The following TRIM51 variants were observed in gnomAD, a reference collection of about 807,000 sequenced individuals.
The protein encoded by TRIM51 is tripartite motif-containing 51, also known as tripartite motif-containing protein 51.
TRIM51 carries 23 observed loss-of-function variants against 32.7 expected under a neutral mutation model. That is an observed-to-expected ratio of 0.70 (90% CI 0.51 to 1.00). The LOEUF is 1.00. Ranked by LOEUF, TRIM51 falls within the 50% of genes least tolerant of loss-of-function variation. The probability of loss-of-function intolerance (pLI) is 0.00; values close to 1 mark genes in which losing one functional copy is unlikely to be tolerated. For synonymous variants in TRIM51, 177 were observed against 181.9 expected (o/e 0.97, Z 0.22); for missense variants, 592 against 539.2 (o/e 1.10, Z -0.97).
chr11:55,884,127 C>T, intron 1 of TRIM51, among the ~76,000 whole-genome samples: 1 of 118,476 alleles, frequency 8.4e-6, no homozygotes, highest in Non-Finnish European at 1.7e-5. Context: ...TCCAGAGACA[C>T]AGAACCATAG....
chr11:55,885,340 A>C, intron 1 of TRIM51, 85 bp from the exon 2 acceptor site: 2 of 1,401,188 alleles, frequency 1.4e-6, no homozygotes, highest in Non-Finnish European at 2.0e-6. Flanking sequence ...GTCAAGAAGA[A>C]AATATAGCTA....
intron 1 of TRIM51, among the ~76,000 whole-genome samples, chr11:55,883,616 C>A (rs1854537656): frequency 1.3e-5 from 2 of 151,774 alleles, no homozygotes; most frequent in African/African-American, 4.8e-5. Context: ...GTGTTTGCTG[C>A]AATAGATTTG....
chr11:55,891,010 C>T (rs1031388730), intron 6 of TRIM51, 123 bp from the exon 7 acceptor site: 1 of 699,776 alleles, frequency 1.4e-6, no homozygotes, highest in Non-Finnish European at 2.3e-6. Flanking sequence ...AGTCACAATT[C>T]TCCTGTCCTT....
intron 3 of TRIM51, 134 bp from the exon 4 acceptor site, chr11:55,887,898 A>T: frequency 2.8e-6 from 2 of 709,172 alleles, no homozygotes; most frequent in Non-Finnish European, 4.9e-6. Flanking sequence ...AATAAAAGGG[A>T]TAAAATTTTG....
chr11:55,888,525 A>T (rs1490931100), intron 4 of TRIM51, among the ~76,000 whole-genome samples: 1 of 152,198 alleles, frequency 6.6e-6, no homozygotes, highest in Non-Finnish European at 1.5e-5. Flanking sequence ...TTTCCCATCA[A>T]AAGTCACTGA....
At position 55,886,151 on chromosome 11, in the gene TRIM51, T is replaced by C. The variant is rs372114428; in HGVS notation, c.440T>C (p.Leu147Ser). 1 of 1,613,434 alleles carries C rather than the reference T, an allele frequency of 6.2e-7. No individual in the cohort carries two copies. The highest frequency in any genetic ancestry group is 1.3e-5 in the African/African-American group (1 of 74,864). Reference protein sequence around the residue: ...REELLKKMQSLWEKACENLRN... With the variant: ...REELLKKMQSSWEKACENLRN... ...GAGCTCCTAAAAAAAATGCAGTCTTTATGGGAAAAAGCTTGTGAAAATCTC... is the reference window on the plus strand; with the variant it reads ...GAGCTCCTAAAAAAAATGCAGTCTTCATGGGAAAAAGCTTGTGAAAATCTC... Residue 147 changes from leucine (L) to serine (S), a missense_variant, in exon 3 of 7, where the codon TTA (leucine) becomes TCA (serine). Physicochemically the swap from Leu to Ser is moderately radical, Grantham distance 145. Coordinates refer to ENST00000449290, the MANE Select transcript of TRIM51 (RefSeq NM_032681.4).
intron 5 of TRIM51, among the ~76,000 whole-genome samples, 191 bp from the exon 6 acceptor site, chr11:55,889,751 T>G (rs1359981915): frequency 1.3e-5 from 2 of 152,232 alleles, no homozygotes; most frequent in South Asian, 4.1e-4. Flanking sequence ...CTCAGTCAGA[T>G]AGACTTTTCC....
intron 5 of TRIM51, among the ~76,000 whole-genome samples, chr11:55,889,338 C>T (rs1268558567): frequency 6.6e-6 from 1 of 152,076 alleles, no homozygotes; most frequent in Non-Finnish European, 1.5e-5. Flanking sequence ...GAAAATATTA[C>T]ATTTTCTACA....
chr11:55,886,483 G>A lies in TRIM51; in HGVS notation c.507+265G>A, dbSNP rs554266638. 3.3e-5 allele frequency among the ~76,000 whole-genome samples: 5 copies of A among 152,204 alleles called. No individual in the cohort carries two copies. The South Asian group carries it at 1.0e-3, about 32-fold the overall frequency. ...AATACCCCAGCAAATACAAGAAACT[G>A]GGACACTTCACACTCTTCCCAATGG... On this transcript the variant is annotated intron_variant, in intron 3 of 6. Coordinates refer to ENST00000449290, the MANE Select transcript of TRIM51 (RefSeq NM_032681.4).
At chr11:55,890,472 T>C (rs1035577380) in intron 6 of TRIM51, among the ~76,000 whole-genome samples, 2 of 152,136 alleles carry the variant, frequency 1.3e-5, no homozygotes, top group Non-Finnish European at 2.9e-5. Flanking sequence ...TAAATATATT[T>C]TATTGATATA....
intron 6 of TRIM51, 61 bp from the exon 7 acceptor site, chr11:55,891,072 T>C: frequency 1.5e-6 from 2 of 1,356,856 alleles, no homozygotes; most frequent in Non-Finnish European, 2.0e-6. Context: ...AACATTTCCC[T>C]CAAGAATTCT....
intron 2 of TRIM51, 59 bp downstream of exon 2, chr11:55,885,898 T>C (rs1247060941): frequency 6.2e-7 from 1 of 1,609,180 alleles, no homozygotes; most frequent in African/African-American, 1.3e-5. Context: ...CTTGTAAGTC[T>C]ATTTCCTTCG....
Position 55,887,616 on chromosome 11 carries a change from T to C in TRIM51, c.508-416T>C, listed in dbSNP as rs189928537. On this transcript the variant is annotated intron_variant, in intron 3 of 6. Transcript: ENST00000449290. ...GTTATGCTGGGTGAAATGCATTGAG[T>C]TGACAATGCTAGTCTGGGTCATGTC... is the stretch of plus-strand genomic sequence containing the variant. Among the ~76,000 whole-genome samples the C allele has an allele frequency of 3.5e-3, 532 of 152,192 alleles. 1 individual carries two copies. Among genetic ancestry groups the C allele is most frequent in the Non-Finnish European group, 5.3e-3 (358 of 68,006 alleles).
intron 5 of TRIM51, 62 bp from the exon 6 acceptor site, chr11:55,889,880 G>A: frequency 8.9e-7 from 1 of 1,124,928 alleles, no homozygotes; most frequent in Non-Finnish European, 1.4e-6. Flanking sequence ...TTAAATAAGA[G>A]TGGTGTTTTT....
At chr11:55,890,264 G>A (rs947579843) in intron 6 of TRIM51, among the ~76,000 whole-genome samples, 1 of 152,082 alleles carries the variant, frequency 6.6e-6, no homozygotes, top group Non-Finnish European at 1.5e-5. Flanking sequence ...CATGGATAGA[G>A]TTATATATTG....
intron 3 of TRIM51, 94 bp downstream of exon 3, chr11:55,886,312 C>G (rs1854578277): frequency 1.5e-5 from 15 of 1,018,718 alleles, no homozygotes; most frequent in Middle Eastern, 4.3e-4. Flanking sequence ...CATAATGTTT[C>G]TGGAATTCAA....
chr11:55,884,924 G>A (rs1854555182), intron 1 of TRIM51, among the ~76,000 whole-genome samples: 1 of 150,148 alleles, frequency 6.7e-6, no homozygotes, highest in Admixed American at 6.6e-5. Flanking sequence ...TTTTAATCTG[G>A]TCGGTTGGTT....
Position 55,885,591 on chromosome 11 carries a change from T to A in TRIM51, c.163T>A (p.Cys55Ser). 1.2e-6 allele frequency: 2 copies of A among 1,611,752 alleles called. No homozygotes were observed. The highest frequency in any genetic ancestry group is 2.2e-5 in the South Asian group (2 of 90,992). Residue 55 changes from cysteine (C) to serine (S), a missense_variant, in exon 2 of 7, where the codon TGC becomes AGC. By Grantham distance (112) the Cys-to-Ser change is moderately radical. Transcript: ENST00000449290. ...GGCAGTTCTTGCTCAGTGCTCTGAATGCAAGAAGACAACGCGGCAGAGAAA... is the reference window on the plus strand; with the variant it reads ...GGCAGTTCTTGCTCAGTGCTCTGAAAGCAAGAAGACAACGCGGCAGAGAAA... ...DTAVLAQCSE[C>S]KKTTRQRNLN...
rs548944747 is a variant in TRIM51, at chr11:55,891,535, G to C, written c.1262G>C (p.Ser421Thr). Reference protein sequence around the residue: ...LFLDCEGRTVSFVDVDQSSLI... With the variant: ...LFLDCEGRTVTFVDVDQSSLI... ...CTGGATTGTGAAGGTAGAACCGTGA[G>C]CTTTGTTGATGTTGATCAAAGTTCC... Residue 421 changes from serine (S) to threonine (T), a missense_variant, in exon 7 of 7, where the codon AGC becomes ACC. Physicochemically the swap from Ser to Thr is moderately conservative, Grantham distance 58. Transcript: ENST00000449290. 9.3e-6 allele frequency: 15 copies of C among 1,613,620 alleles called. No individual in the cohort carries two copies. Among genetic ancestry groups the C allele is most frequent in the Non-Finnish European group, 1.3e-5 (15 of 1,179,722 alleles).
Sources: allele counts gnomAD v4.1 joint callset (sites outside exome capture counted in the v4.1 genomes callset), GRCh38; gene constraint gnomAD v4.1.1; transcripts MANE v1.5; gene names NCBI Gene and HGNC (gene_info 2026-07-23, HGNC 2026-07-21).